Variants in ELMO1 observed in about 807,000 individuals in gnomAD.
ELMO1 encodes engulfment and cell motility 1.
A neutral mutation model predicts 98.9 loss-of-function variants in ELMO1; 26 were observed. The observed-to-expected ratio is 0.26, with a 90% CI of 0.19 to 0.36. The LOEUF is 0.36. Among genes scored for constraint, ELMO1 ranks in the 10% least tolerant of loss-of-function variants. The pLI, the probability that ELMO1 is intolerant of heterozygous loss-of-function variation, is 1.00. For missense variants in ELMO1, 627 were observed against 935.2 expected (o/e 0.67, Z 4.30); for synonymous variants, 346 against 346.0 (o/e 1.00, Z 0.00).
chr7:36,945,459 C>T (rs1048937127), intron 16 of ELMO1, among the ~76,000 whole-genome samples: 7 of 152,134 alleles, frequency 4.6e-5, no homozygotes, highest in Admixed American at 2.6e-4. Context: ...GCCTCAGTGA[C>T]GGGCATTTAA....
At chr7:37,254,784 T>C (rs1372049029) in intron 6 of ELMO1, among the ~76,000 whole-genome samples, 2 of 152,242 alleles carry the variant, frequency 1.3e-5, no homozygotes, top group East Asian at 3.8e-4. Context: ...AGTTAAGATA[T>C]TAATGAGTGT....
chr7:37,189,917 T>C (rs1229825481), intron 13 of ELMO1, among the ~76,000 whole-genome samples: 4 of 151,844 alleles, frequency 2.6e-5, no homozygotes, highest in Admixed American at 2.0e-4. Flanking sequence ...TATGGATGCA[T>C]CAGAATGTAA....
At chr7:37,093,697 C>T (rs760504387) in intron 15 of ELMO1, among the ~76,000 whole-genome samples, 1 of 152,168 alleles carries the variant, frequency 6.6e-6, no homozygotes, top group Non-Finnish European at 1.5e-5. Context: ...TTTGCTCTTA[C>T]CACAGGGTGT....
chr7:37,238,983 C>T (rs929471956), intron 7 of ELMO1, among the ~76,000 whole-genome samples: 1 of 151,794 alleles, frequency 6.6e-6, no homozygotes, highest in Non-Finnish European at 1.5e-5. Context: ...TTTTTATTTC[C>T]TGTATTGTCT....
At chr7:37,211,190 G>A (rs1346041923) in intron 13 of ELMO1, 196 bp downstream of exon 13, 6 of 692,704 alleles carry the variant, frequency 8.7e-6, no homozygotes, top group Non-Finnish European at 1.2e-5. Context: ...TCACACTTGT[G>A]CAAGTTATTC....
rs745689979 is a variant in ELMO1 at position 37,211,415 on chromosome 7, T to C, written c.1057A>G (p.Thr353Ala). Reference protein sequence around the residue: ...GSMEKRKSMYTRDYKKLGFIN... With the variant: ...GSMEKRKSMYARDYKKLGFIN... ...AACCCAAGCTTCTTATAATCTCGCG[T>C]GTACATGGACTTGCGTTTCTCCATG... Residue 353 changes from threonine (T) to alanine (A), a missense_variant, in exon 13 of 22, where the codon ACG becomes GCG. Transcript: ENST00000310758. The C allele has an allele frequency of 3.1e-6, 5 of 1,614,090 alleles. No homozygotes were observed. The highest frequency in any genetic ancestry group is 4.2e-6 in the Non-Finnish European group (5 of 1,179,970).
At chr7:37,210,276 G>A (rs1198469279) in intron 13 of ELMO1, among the ~76,000 whole-genome samples, 1 of 152,012 alleles carries the variant, frequency 6.6e-6, no homozygotes, top group African/African-American at 2.4e-5. Flanking sequence ...TAGACTTATG[G>A]TAATTTCAAA....
chr7:37,188,662 G>A (rs1293618550), intron 13 of ELMO1, among the ~76,000 whole-genome samples: 2 of 151,658 alleles, frequency 1.3e-5, no homozygotes, highest in African/African-American at 4.8e-5. Flanking sequence ...GTTATGAAAC[G>A]GCCTAGGCGT....
At chr7:37,203,842 C>T (rs558593160) in intron 13 of ELMO1, among the ~76,000 whole-genome samples, 1 of 152,220 alleles carries the variant, frequency 6.6e-6, no homozygotes, top group African/African-American at 2.4e-5. Context: ...GATCCCAGAG[C>T]TGAATGGCTT....
chr7:37,101,126 T>C (rs1374529852), intron 14 of ELMO1, among the ~76,000 whole-genome samples: 3 of 152,250 alleles, frequency 2.0e-5, no homozygotes, highest in Non-Finnish European at 4.4e-5. Context: ...AGACTGGCTC[T>C]CTGATGACAG....
intron 16 of ELMO1, among the ~76,000 whole-genome samples, chr7:36,905,301 T>C (rs1783880766): frequency 6.6e-6 from 1 of 152,128 alleles, no homozygotes; most frequent in African/African-American, 2.4e-5. Context: ...GGAATGACCC[T>C]CCCATATGGA....
At chr7:37,195,495 T>G (rs143054729) in intron 13 of ELMO1, among the ~76,000 whole-genome samples, 7 of 152,294 alleles carry the variant, frequency 4.6e-5, no homozygotes, top group Non-Finnish European at 7.4e-5. Context: ...GCCACTCAGA[T>G]AGATGGAAGA....
At chr7:36,924,764 G>A in intron 16 of ELMO1, among the ~76,000 whole-genome samples, 1 of 152,148 alleles carries the variant, frequency 6.6e-6, no homozygotes, top group Admixed American at 6.5e-5. Flanking sequence ...CCATGGTGGG[G>A]GGTGGCACTG....
chr7:37,368,543 C>T (rs887033408), intron 1 of ELMO1, among the ~76,000 whole-genome samples: 11 of 152,078 alleles, frequency 7.2e-5, no homozygotes, highest in Non-Finnish European at 1.0e-4. Context: ...CCCAAAGAAC[C>T]GGGAGGGACT....
chr7:37,443,102 T>A (rs1314699760), intron 1 of ELMO1, among the ~76,000 whole-genome samples: 2 of 152,062 alleles, frequency 1.3e-5, no homozygotes, highest in Admixed American at 6.5e-5. Flanking sequence ...GAGAAAAATG[T>A]CGCATTGATC....
intron 14 of ELMO1, among the ~76,000 whole-genome samples, chr7:37,097,309 G>A (rs1162861213): frequency 3.9e-5 from 6 of 152,154 alleles, no homozygotes; most frequent in East Asian, 1.9e-4. Context: ...AGGCCGAGGC[G>A]GGCGGATCAT....
chr7:36,991,769 G>T (rs1791894018), intron 16 of ELMO1, among the ~76,000 whole-genome samples: 1 of 152,196 alleles, frequency 6.6e-6, no homozygotes, highest in Non-Finnish European at 1.5e-5. Flanking sequence ...CTGGACATCT[G>T]TGGAAGCTTA....
At chr7:37,101,880 T>C (rs1377647322) in intron 14 of ELMO1, among the ~76,000 whole-genome samples, 1 of 152,114 alleles carries the variant, frequency 6.6e-6, no homozygotes, top group East Asian at 1.9e-4. Flanking sequence ...ATGCATGACA[T>C]GGTGTTTCTG....
intron 1 of ELMO1, among the ~76,000 whole-genome samples, chr7:37,383,809 TTTGTTGTTG>T (rs137868643): frequency 6.6e-6 from 1 of 151,920 alleles, no homozygotes; most frequent in East Asian, 1.9e-4. Flanking sequence ...TACAGGGCTT[TTTGTTGTTG>T]TTGTTGTTGT....
Sources: allele counts gnomAD v4.1 joint callset (sites outside exome capture counted in the v4.1 genomes callset), GRCh38; gene constraint gnomAD v4.1.1; transcripts MANE v1.5; gene names NCBI Gene and HGNC (gene_info 2026-07-23, HGNC 2026-07-21).